The following FMN1 variants were observed in gnomAD, a reference collection of about 807,000 sequenced individuals.
FMN1 encodes formin 1.
In FMN1, 110 loss-of-function variants were observed where a neutral mutation model predicts 132.4. The observed-to-expected ratio is 0.83, with a 90% CI of 0.71 to 0.97. FMN1 has a LOEUF of 0.97. Among genes scored for constraint, FMN1 ranks in the 50% least tolerant of loss-of-function variants. The probability of loss-of-function intolerance (pLI) is 0.00; values close to 1 mark genes in which losing one functional copy is unlikely to be tolerated. For synonymous variants in FMN1, 722 were observed against 651.7 expected, an observed-to-expected ratio of 1.11 and a Z score of -1.64; for missense variants, 1,792 against 1,705.3, an observed-to-expected ratio of 1.05 and a Z score of -0.90.
At chr15:33,020,255 T>TCACTATTGA (rs1315685595) in intron 6 of FMN1, among the ~76,000 whole-genome samples, 2 of 152,122 alleles carry the variant, frequency 1.3e-5, no homozygotes, top group Non-Finnish European at 2.9e-5. Flanking sequence ...GTAAACAGTG[T>TCACTATTGA]CACTATTGAA....
intron 17 of FMN1, among the ~76,000 whole-genome samples, chr15:32,840,156 T>TCA (rs1474326065): frequency 6.6e-6 from 1 of 152,214 alleles, no homozygotes; most frequent in Non-Finnish European, 1.5e-5. Flanking sequence ...AGGGTGCTGC[T>TCA]CACCCATTAA....
At chr15:32,904,990 G>C (rs2060387131) in intron 12 of FMN1, among the ~76,000 whole-genome samples, 1 of 152,184 alleles carries the variant, frequency 6.6e-6, no homozygotes, top group Non-Finnish European at 1.5e-5. Flanking sequence ...TTTATGGATT[G>C]AGTTCCTTTT....
chr15:33,070,415 A>G (rs2141275213), intron 5 of FMN1, among the ~76,000 whole-genome samples: 1 of 150,274 alleles, frequency 6.7e-6, no homozygotes, highest in South Asian at 2.1e-4. Flanking sequence ...ATGAACTGAA[A>G]AGACTCAATT....
At chr15:33,008,225 G>A (rs1385054052) in intron 6 of FMN1, 150 bp from the exon 7 acceptor site, 6 of 664,208 alleles carry the variant, frequency 9.0e-6, no homozygotes, top group Non-Finnish European at 1.5e-5. Context: ...CAGAAAGATA[G>A]GACAAGTAGT....
Position 32,823,173 on chromosome 15 carries a change from T to TTG in FMN1, c.3929-18842_3929-18841insCA, listed in dbSNP as rs1409741578. The stretch of plus-strand genomic sequence containing the variant: ...TACTGTTTTTTTTTTTTTTTTTTTT[T>TTG]TTTTTTGAGACAGAGTCTTGCTCTA... On this transcript the variant is annotated intron_variant, in intron 17 of 20. Coordinates refer to ENST00000616417, the MANE Select transcript of FMN1 (RefSeq NM_001277313.2). Among the ~76,000 whole-genome samples, 41 of 126,812 alleles carry TTG rather than the reference T, an allele frequency of 3.2e-4. 1 individual carries two copies. The highest frequency in any genetic ancestry group is 3.0e-3 in the East Asian group (12 of 4,052). 83.2% of individuals were successfully genotyped at this position (126,812 alleles called of 152,430 possible).
At chr15:32,978,556 G>A (rs916720730) in intron 7 of FMN1, among the ~76,000 whole-genome samples, 1 of 152,176 alleles carries the variant, frequency 6.6e-6, no homozygotes. Context: ...TTAAAAGAGA[G>A]AACTTGCAAT....
chr15:33,157,340 G>A lies in FMN1; in HGVS notation c.-131-2295C>T, dbSNP rs762475195. On this transcript the variant is annotated intron_variant, in intron 3 of 20. Coordinates refer to ENST00000616417, the MANE Select transcript of FMN1 (RefSeq NM_001277313.2). Reference sequence around the variant, plus strand: ...TAATTTCAAATAGGAATATGACTGCGTATTCTATTCCCTAAGAGAGGGAAT... The same window carrying A: ...TAATTTCAAATAGGAATATGACTGCATATTCTATTCCCTAAGAGAGGGAAT... Among the ~76,000 whole-genome samples the A allele has an allele frequency of 6.6e-5, 10 of 151,680 alleles. No homozygotes were observed. In the East Asian group the frequency reaches 7.7e-4, roughly 12 times the overall value.
At chr15:33,034,162 G>A in intron 6 of FMN1, among the ~76,000 whole-genome samples, 1 of 152,104 alleles carries the variant, frequency 6.6e-6, no homozygotes, top group East Asian at 1.9e-4. Flanking sequence ...CCAAATGTCT[G>A]CTCAACACTT....
chr15:32,884,452 A>G (rs912382076), intron 16 of FMN1, among the ~76,000 whole-genome samples: 1 of 152,172 alleles, frequency 6.6e-6, no homozygotes, highest in Non-Finnish European at 1.5e-5. Flanking sequence ...TTAAAGACTG[A>G]CTTTAAAGAT....
At chr15:33,039,141 A>G (rs935542472) in intron 6 of FMN1, among the ~76,000 whole-genome samples, 1 of 152,240 alleles carries the variant, frequency 6.6e-6, no homozygotes, top group African/African-American at 2.4e-5. Context: ...AAGAGCTATC[A>G]TAGTCATTAT....
chr15:32,941,078 A>G (rs930789943), intron 9 of FMN1, among the ~76,000 whole-genome samples: 2 of 152,200 alleles, frequency 1.3e-5, no homozygotes, highest in Non-Finnish European at 2.9e-5. Context: ...CAGCCTGCGA[A>G]AAAAATCAAG....
chr15:33,021,508 AG>A (rs1196302878), intron 6 of FMN1, among the ~76,000 whole-genome samples: 1 of 152,220 alleles, frequency 6.6e-6, no homozygotes, highest in Non-Finnish European at 1.5e-5. Context: ...AGACATGAAT[AG>A]GCTTATATTG....
intron 7 of FMN1, among the ~76,000 whole-genome samples, chr15:32,994,378 G>A (rs923541330): frequency 6.6e-6 from 1 of 152,020 alleles, no homozygotes; most frequent in South Asian, 2.1e-4. Flanking sequence ...TTTTTCCTGT[G>A]CTTTGGCCAC....
chr15:32,951,523 G>A (rs1415806639), intron 9 of FMN1, among the ~76,000 whole-genome samples: 1 of 152,034 alleles, frequency 6.6e-6, no homozygotes, highest in Admixed American at 6.6e-5. Flanking sequence ...GGAACCATAA[G>A]TGAATGAGAG....
intron 9 of FMN1, among the ~76,000 whole-genome samples, chr15:32,944,749 C>A (rs1477062857): frequency 6.6e-6 from 1 of 151,108 alleles, no homozygotes; most frequent in African/African-American, 2.4e-5. Flanking sequence ...GAGGCCACAG[C>A]AGGTGAAGGC....
chr15:33,042,156 T>G (rs1388504505), intron 6 of FMN1, among the ~76,000 whole-genome samples: 1 of 151,966 alleles, frequency 6.6e-6, no homozygotes, highest in African/African-American at 2.4e-5. Context: ...GAAAAAATAA[T>G]GAGAAAAATC....
chr15:32,815,782 A>G (rs1020181832), intron 17 of FMN1, among the ~76,000 whole-genome samples: 2 of 152,174 alleles, frequency 1.3e-5, no homozygotes, highest in Admixed American at 6.5e-5. Context: ...GGTGGTGGTA[A>G]TGATGGTGAT....
At chr15:32,823,921 C>T (rs919113575) in intron 17 of FMN1, among the ~76,000 whole-genome samples, 3 of 152,254 alleles carry the variant, frequency 2.0e-5, no homozygotes, top group Admixed American at 6.5e-5. Flanking sequence ...GGAGCTGTAA[C>T]ATCCTACTGC....
chr15:32,989,523 C>G (rs898533203), intron 7 of FMN1, among the ~76,000 whole-genome samples: 3 of 151,410 alleles, frequency 2.0e-5, no homozygotes, highest in Non-Finnish European at 4.4e-5. Flanking sequence ...AATTCCCCAC[C>G]CTTTGTAGTC....
Sources: allele counts gnomAD v4.1 joint callset (sites outside exome capture counted in the v4.1 genomes callset), GRCh38; gene constraint gnomAD v4.1.1; transcripts MANE v1.5; gene names NCBI Gene and HGNC (gene_info 2026-07-23, HGNC 2026-07-21).